Variants in HIP1 observed in about 807,000 individuals in gnomAD.
The protein encoded by HIP1 is huntingtin interacting protein 1.
Under a neutral mutation model 147.6 loss-of-function variants are expected in HIP1, and 65 were observed. The observed-to-expected ratio is 0.44, with a 90% confidence interval of 0.36 to 0.54. HIP1 has a LOEUF of 0.54. Among genes scored for constraint, HIP1 ranks in the 20% least tolerant of loss-of-function variants. The probability of loss-of-function intolerance (pLI) is 0.00; values close to 1 mark genes in which losing one functional copy is unlikely to be tolerated. For synonymous variants in HIP1, 479 were observed against 504.0 expected (o/e 0.95, Z 0.67); for missense variants, 1,061 against 1,299.6 (o/e 0.82, Z 2.82).
chr7:75,590,344 A>G (rs111627624), intron 4 of HIP1, among the ~76,000 whole-genome samples: 52 of 152,326 alleles, frequency 3.4e-4, no homozygotes, highest in African/African-American at 1.2e-3. Flanking sequence ...ACAAGCAAGC[A>G]TTTTGTAATT....
intron 1 of HIP1, among the ~76,000 whole-genome samples, chr7:75,682,320 G>A (rs147856948): frequency 1.8e-3 from 278 of 151,660 alleles, no homozygotes; most frequent in African/African-American, 6.5e-3. Context: ...GCAGTGGTGC[G>A]ATCATAGCTC....
At chr7:75,613,450 T>C (rs1434286861) in intron 1 of HIP1, among the ~76,000 whole-genome samples, 1 of 152,154 alleles carries the variant, frequency 6.6e-6, no homozygotes, top group African/African-American at 2.4e-5. Flanking sequence ...ATAGAGCCAT[T>C]GTCACCAGAT....
chr7:75,573,011 C>T (rs1326683139), intron 8 of HIP1, among the ~76,000 whole-genome samples: 4 of 152,160 alleles, frequency 2.6e-5, no homozygotes, highest in Non-Finnish European at 5.9e-5. Context: ...TGCATGGCAG[C>T]GGGAGGCAGA....
intron 1 of HIP1, among the ~76,000 whole-genome samples, chr7:75,729,751 A>C (rs1801773276): frequency 6.6e-6 from 1 of 151,998 alleles, no homozygotes; most frequent in African/African-American, 2.4e-5. Context: ...GCGCTACTGC[A>C]CTCCAGTCTG....
rs1224998684 is a variant in HIP1, at chr7:75,568,124, C to G, written c.803+75G>C. 11 of 1,061,346 alleles carry G rather than the reference C, an allele frequency of 1.0e-5. No individual in the cohort carries two copies. In the South Asian group the frequency reaches 1.3e-4, roughly 12 times the overall value. 65.7% of individuals were successfully genotyped at this position (1,061,346 alleles called of 1,614,324 possible). ...AACCACTGTGTCCAGCCACCTCTCA[C>G]AGTGCACTTGCATGGCTTAATGATT... On this transcript the variant is annotated intron_variant, in intron 9 of 30. Transcript: ENST00000336926. This position sits in a 1 kb window ranked among gnomAD's most constrained non-coding sequence, Gnocchi z 4.1.
chr7:75,623,210 CA>C (rs34787591), intron 1 of HIP1, among the ~76,000 whole-genome samples: 18,919 of 83,000 alleles, frequency 0.23, 1,562 homozygotes, highest in African/African-American at 0.38. Context: ...AAAAAAAAAG[CA>C]AAAAAAAAAA....
intron 1 of HIP1, among the ~76,000 whole-genome samples, chr7:75,612,322 C>T (rs376884704): frequency 1.3e-5 from 2 of 152,048 alleles, no homozygotes; most frequent in Admixed American, 6.5e-5. Context: ...CCAGCCTGGC[C>T]GACATGGTGA....
At chr7:75,573,139 T>C (rs1214949686) in intron 8 of HIP1, among the ~76,000 whole-genome samples, 2 of 152,104 alleles carry the variant, frequency 1.3e-5, no homozygotes, top group Non-Finnish European at 2.9e-5. Flanking sequence ...CGTGGTGCAT[T>C]TCCTCCCCTC....
At chr7:75,580,301 C>T (rs1262030141) in intron 7 of HIP1, among the ~76,000 whole-genome samples, 1 of 152,180 alleles carries the variant, frequency 6.6e-6, no homozygotes, top group Non-Finnish European at 1.5e-5. Context: ...CAAGGACTGG[C>T]CAGGGCCATG....
chr7:75,558,422 G>C (rs1484165406), intron 14 of HIP1, among the ~76,000 whole-genome samples, 167 bp from the exon 15 acceptor site: 3 of 152,130 alleles, frequency 2.0e-5, no homozygotes, highest in Non-Finnish European at 2.9e-5. Flanking sequence ...CTGCAGCCTT[G>C]ACCTCCTTGG....
chr7:75,656,580 C>A lies in HIP1; in HGVS notation c.121-57333G>T, dbSNP rs559244805. ...GCAACCTCTGCCTCCTGGGTTCAAGCGATTCTCCTGCCTCAGCCTCTGGAG... is the reference window on the plus strand; with the variant it reads ...GCAACCTCTGCCTCCTGGGTTCAAGAGATTCTCCTGCCTCAGCCTCTGGAG... On this transcript the variant is annotated intron_variant, in intron 1 of 30. Coordinates refer to ENST00000336926, the MANE Select transcript of HIP1 (RefSeq NM_005338.7). Among the ~76,000 whole-genome samples the A allele has an allele frequency of 1.3e-3, 201 of 152,228 alleles. 1 individual carries two copies. Among genetic ancestry groups the A allele is most frequent in the African/African-American group, 4.7e-3 (195 of 41,550 alleles).
chr7:75,692,207 T>C (rs1017617084), intron 1 of HIP1, among the ~76,000 whole-genome samples: 1 of 152,096 alleles, frequency 6.6e-6, no homozygotes, highest in South Asian at 2.1e-4. Context: ...TGGCCAGTAA[T>C]GATAAACTTG....
intron 8 of HIP1, among the ~76,000 whole-genome samples, chr7:75,569,340 C>T (rs1795525488): frequency 6.6e-6 from 1 of 151,366 alleles, no homozygotes; most frequent in South Asian, 2.1e-4. Flanking sequence ...GCAGTGGCTC[C>T]CATGTGTAAT....
intron 7 of HIP1, among the ~76,000 whole-genome samples, 195 bp downstream of exon 7, chr7:75,581,042 G>A (rs1554498489): frequency 6.6e-6 from 1 of 152,040 alleles, no homozygotes; most frequent in East Asian, 1.9e-4. Flanking sequence ...GCACCCGGCC[G>A]AGACCTTGTC....
At chr7:75,609,299 T>C (rs1179640) in intron 1 of HIP1, among the ~76,000 whole-genome samples, 54,310 of 152,006 alleles carry the variant, frequency 0.36, 16,428 homozygotes, top group African/African-American at 0.81. Flanking sequence ...CATTGCCGAG[T>C]CTGTGGCAAG....
At chr7:75,540,500 C>T (rs1193754932) in intron 29 of HIP1, among the ~76,000 whole-genome samples, 1 of 151,486 alleles carries the variant, frequency 6.6e-6, no homozygotes, top group Admixed American at 6.6e-5. Context: ...GTCCCAGCTA[C>T]TCAGGAGGCT....
chr7:75,714,205 A>G (rs2117359421), intron 1 of HIP1, among the ~76,000 whole-genome samples: 1 of 150,452 alleles, frequency 6.6e-6, no homozygotes, highest in Admixed American at 6.6e-5. Context: ...ATGCCCGGCT[A>G]ATTTTTGTAT....
intron 1 of HIP1, among the ~76,000 whole-genome samples, chr7:75,664,329 C>CGTATACATACACAT (rs1799469355): frequency 7.2e-6 from 1 of 138,752 alleles, no homozygotes; most frequent in African/African-American, 2.8e-5. Flanking sequence ...CATACACATG[C>CGTATACATACACAT]ATATATATGT....
intron 8 of HIP1, 40 bp downstream of exon 8, chr7:75,573,721 C>T (rs782691583): frequency 2.5e-6 from 4 of 1,595,462 alleles, no homozygotes; most frequent in Non-Finnish European, 3.4e-6. Flanking sequence ...CTCCCTCTGG[C>T]CTGAATCTCA....
Sources: allele counts gnomAD v4.1 joint callset (sites outside exome capture counted in the v4.1 genomes callset), GRCh38; gene constraint gnomAD v4.1.1; non-coding constraint Gnocchi (gnomAD v3.1); transcripts MANE v1.5; gene names NCBI Gene and HGNC (gene_info 2026-07-23, HGNC 2026-07-21).